Variants in CACNA1E observed in about 807,000 individuals in gnomAD.
CACNA1E encodes the protein voltage-dependent R-type calcium channel subunit alpha-1E.
CACNA1E carries 40 observed loss-of-function variants against 259.2 expected under a neutral mutation model. The observed-to-expected ratio is 0.15, with a 90% CI of 0.12 to 0.20. The LOEUF (loss-of-function observed/expected upper bound fraction) is 0.20, where lower values mean the gene tolerates loss of function less well. CACNA1E is among the 10% of genes least tolerant of loss of function. The probability of loss-of-function intolerance (pLI) is 1.00; values close to 1 mark genes in which losing one functional copy is unlikely to be tolerated. For synonymous variants in CACNA1E, 1,104 were observed against 1,138.5 expected (o/e 0.97, Z 0.61); for missense variants, 1,874 against 3,040.1 (o/e 0.62, Z 9.02).
chr1:181,444,607 G>T (rs944216843), intron 2 of CACNA1E, among the ~76,000 whole-genome samples: 3 of 152,154 alleles, frequency 2.0e-5, no homozygotes, highest in Non-Finnish European at 2.9e-5. Flanking sequence ...GTGAGAAGAA[G>T]AATAGTTTGG....
chr1:181,346,221 TTTCAGATCTTTTCTCAAAA>T (rs1652582923), intron 1 of CACNA1E, among the ~76,000 whole-genome samples: 1 of 152,240 alleles, frequency 6.6e-6, no homozygotes, highest in Non-Finnish European at 1.5e-5. Context: ...CCCCAACTCC[TTTCAGATCTTTTCTCAAAA>T]GTCATTTTCT....
intron 1 of CACNA1E, among the ~76,000 whole-genome samples, chr1:181,365,733 C>T (rs1654223830): frequency 6.6e-6 from 1 of 152,192 alleles, no homozygotes; most frequent in Admixed American, 6.5e-5. Context: ...GGGCACAGGC[C>T]TTCTTCTCTG....
chr1:181,379,992 A>T (rs1293429132), intron 1 of CACNA1E, among the ~76,000 whole-genome samples: 3 of 147,834 alleles, frequency 2.0e-5, no homozygotes, highest in African/African-American at 7.4e-5. Context: ...ATTTATATAT[A>T]TCATAAGGTA....
At chr1:181,785,616 G>T in intron 42 of CACNA1E, 97 bp from the exon 43 acceptor site, 1 of 935,636 alleles carries the variant, frequency 1.1e-6, no homozygotes, top group Non-Finnish European at 1.8e-6. Flanking sequence ...CAAGGGATAA[G>T]TTATGTGCCT....
At chr1:181,392,172 G>A (rs116327257) in intron 1 of CACNA1E, among the ~76,000 whole-genome samples, 1,962 of 152,192 alleles carry the variant, frequency 0.013, 18 homozygotes, top group Middle Eastern at 0.024. Flanking sequence ...TTTTAATCTG[G>A]CATTAAAGCC....
At chr1:181,626,098 G>A (rs1390067893) in intron 6 of CACNA1E, among the ~76,000 whole-genome samples, 1 of 152,000 alleles carries the variant, frequency 6.6e-6, no homozygotes, top group African/African-American at 2.4e-5. Flanking sequence ...ATGACTTATG[G>A]TACCCCACAA....
chr1:181,333,168 G>A (rs1221770104), intron 1 of CACNA1E, among the ~76,000 whole-genome samples: 1 of 152,166 alleles, frequency 6.6e-6, no homozygotes, highest in Non-Finnish European at 1.5e-5. Context: ...AGCAATTCAC[G>A]GTGAGGCAGT....
Position 181,642,813 on chromosome 1 carries a change from GC to G in CACNA1E, c.952-8523del, listed in dbSNP as rs1202344747. ...TGGATGGCCCAGCACAGGGTCAGCT[GC>G]CTCCATCCTGGCCCCCCAGAGCATC... On this transcript the variant is annotated intron_variant, in intron 6 of 47. Transcript: ENST00000367573. Among the ~76,000 whole-genome samples, 4 of 152,296 alleles carry G rather than the reference GC, an allele frequency of 2.6e-5. No homozygotes were observed. In the South Asian group the frequency reaches 8.3e-4, roughly 32 times the overall value.
intron 6 of CACNA1E, among the ~76,000 whole-genome samples, chr1:181,602,575 G>A (rs568180566): frequency 6.6e-6 from 1 of 152,288 alleles, no homozygotes; most frequent in African/African-American, 2.4e-5. Flanking sequence ...CAGAACATGA[G>A]TTCATGGGAT....
At chr1:181,542,498 A>C (rs908573528) in intron 3 of CACNA1E, among the ~76,000 whole-genome samples, 2 of 152,050 alleles carry the variant, frequency 1.3e-5, no homozygotes, top group African/African-American at 2.4e-5. Context: ...GAGGTAATTG[A>C]ATCATGGGGG....
At chr1:181,656,555 A>C (rs1288996387) in intron 7 of CACNA1E, among the ~76,000 whole-genome samples, 3 of 152,200 alleles carry the variant, frequency 2.0e-5, no homozygotes, top group Non-Finnish European at 2.9e-5. Context: ...TTATAAGGTA[A>C]AGTTACAGTA....
chr1:181,532,016 G>C (rs560214908), intron 3 of CACNA1E, among the ~76,000 whole-genome samples: 26 of 152,192 alleles, frequency 1.7e-4, no homozygotes, highest in African/African-American at 5.3e-4. Flanking sequence ...CCATTGCACC[G>C]TTGCACTCCA....
chr1:181,513,549 T>C lies in CACNA1E; in HGVS notation c.512+2039T>C, dbSNP rs538996691. Among the ~76,000 whole-genome samples, 13 of 152,318 alleles carry C rather than the reference T, an allele frequency of 8.5e-5. No homozygotes were observed. In the South Asian group the frequency reaches 1.0e-3, roughly 12 times the overall value. On this transcript the variant is annotated intron_variant, in intron 3 of 47. Transcript: ENST00000367573. ...ACATTTTATGAGACATTTTACAAGG[T>C]TGAAGAAGTACTTCTGGAGGAGTAT...
intron 2 of CACNA1E, among the ~76,000 whole-genome samples, chr1:181,437,977 C>T (rs946280740): frequency 3.3e-5 from 5 of 152,188 alleles, no homozygotes; most frequent in African/African-American, 1.2e-4. Flanking sequence ...TGAACAGGTC[C>T]AAGGAACTTT....
At chr1:181,773,063 CA>C (rs1024079886) in intron 37 of CACNA1E, among the ~76,000 whole-genome samples, 2 of 152,176 alleles carry the variant, frequency 1.3e-5, no homozygotes, top group Non-Finnish European at 2.9e-5. Flanking sequence ...ACTGGCTGTA[CA>C]AAAACCTAAA....
At chr1:181,493,541 T>C (rs1664495105) in intron 1 of CACNA1E, among the ~76,000 whole-genome samples, 1 of 152,206 alleles carries the variant, frequency 6.6e-6, no homozygotes, top group African/African-American at 2.4e-5. Flanking sequence ...GTTCTTTCCC[T>C]TCCTGTTTTC....
chr1:181,714,685 AC>A (rs1361500540), intron 8 of CACNA1E, among the ~76,000 whole-genome samples: 2 of 152,188 alleles, frequency 1.3e-5, no homozygotes, highest in East Asian at 3.8e-4. Context: ...GGAACCAGAG[AC>A]AAAAACCAAA....
At chr1:181,390,744 G>A (rs634225) in intron 1 of CACNA1E, among the ~76,000 whole-genome samples, 71,579 of 151,970 alleles carry the variant, frequency 0.47, 17,126 homozygotes, top group African/African-American at 0.55. Flanking sequence ...AAATGCTGTG[G>A]AGGTCAGAGA....
At chr1:181,560,028 AT>A (rs202151248) in intron 3 of CACNA1E, among the ~76,000 whole-genome samples, 2,174 of 150,316 alleles carry the variant, frequency 0.014, 43 homozygotes, top group East Asian at 0.099. Context: ...TGGAAGAGCT[AT>A]TTTTTTTTTC....
Sources: allele counts gnomAD v4.1 joint callset (sites outside exome capture counted in the v4.1 genomes callset), GRCh38; gene constraint gnomAD v4.1.1; transcripts MANE v1.5; gene names NCBI Gene and HGNC (gene_info 2026-07-23, HGNC 2026-07-21).